The following C14orf132 variants were observed in gnomAD, a reference collection of about 807,000 sequenced individuals.
The protein encoded by C14orf132 is uncharacterized protein C14orf132.
Under a neutral mutation model 5.8 loss-of-function variants are expected in C14orf132, and 6 were observed. That is an observed-to-expected ratio of 1.03 (90% confidence interval 0.57 to 2.04). C14orf132 has a LOEUF of 2.04. Among genes scored for constraint, C14orf132 ranks in the 30% most tolerant of loss-of-function variants. The pLI, the probability that C14orf132 is intolerant of heterozygous loss-of-function variation, is 0.00. For missense variants in C14orf132, 125 were observed against 115.8 expected (o/e 1.08, Z -0.37); for synonymous variants, 51 against 49.8 (o/e 1.02, Z -0.10).
In C14orf132 at chr14:96,082,769, C is replaced by T. The variant is rs74086072; in HGVS notation, c.28-3742C>T. Among the ~76,000 whole-genome samples, 646 of 152,278 alleles carry T rather than the reference C, an allele frequency of 4.2e-3. 1 individual carries two copies. The highest frequency in any genetic ancestry group is 0.015 in the African/African-American group (617 of 41,556). On this transcript the variant is annotated intron_variant, in intron 1 of 1. Coordinates refer to ENST00000555004, the MANE Select transcript of C14orf132 (RefSeq NM_001252507.3). ...TGCATGTGATACTGTCCTACAAGGA[C>T]GACAGAGGGAAGGAATATTGGTAAT...
chr14:96,084,230 G>T (rs555246547), intron 1 of C14orf132, among the ~76,000 whole-genome samples: 6 of 152,346 alleles, frequency 3.9e-5, no homozygotes, highest in African/African-American at 1.4e-4. Context: ...AAGAAGCAAT[G>T]AGTGGGAAGG....
intron 1 of C14orf132, among the ~76,000 whole-genome samples, chr14:96,062,172 G>A (rs1261901361): frequency 6.6e-6 from 1 of 152,024 alleles, no homozygotes; most frequent in Admixed American, 6.6e-5. Context: ...CCAGCAAGTC[G>A]CTCCATGGAT....
chr14:96,056,261 C>T (rs548391166), intron 1 of C14orf132, among the ~76,000 whole-genome samples: 8 of 152,304 alleles, frequency 5.3e-5, no homozygotes, highest in African/African-American at 1.7e-4. Flanking sequence ...TCAGCATTCA[C>T]GTGACATGGC....
chr14:96,063,207 T>A (rs760910142), intron 1 of C14orf132, among the ~76,000 whole-genome samples: 4 of 152,074 alleles, frequency 2.6e-5, no homozygotes, highest in African/African-American at 4.8e-5. Flanking sequence ...CAAGCTGCCA[T>A]CCCCTCAGGA....
At chr14:96,071,128 C>A (rs907605633) in intron 1 of C14orf132, among the ~76,000 whole-genome samples, 1 of 152,070 alleles carries the variant, frequency 6.6e-6, no homozygotes, top group Middle Eastern at 3.2e-3. Flanking sequence ...CTGGGGAGGC[C>A]TCAGGAAACT....
At chr14:96,074,069 G>A (rs1003403733) in intron 1 of C14orf132, among the ~76,000 whole-genome samples, 2 of 152,212 alleles carry the variant, frequency 1.3e-5, no homozygotes, top group Non-Finnish European at 1.5e-5. Context: ...AATAGCTAAT[G>A]GAGGCCGGGC....
At chr14:96,042,907 G>A (rs1167851148) in intron 1 of C14orf132, among the ~76,000 whole-genome samples, 1 of 152,228 alleles carries the variant, frequency 6.6e-6, no homozygotes, top group African/African-American at 2.4e-5. Flanking sequence ...TTTCTCTTAG[G>A]CCAGGAGTGG....
At chr14:96,064,154 T>C (rs1218458672) in intron 1 of C14orf132, among the ~76,000 whole-genome samples, 1 of 152,070 alleles carries the variant, frequency 6.6e-6, no homozygotes, top group African/African-American at 2.4e-5. Context: ...GAAAACAGTG[T>C]GGAGATTCCT....
intron 1 of C14orf132, among the ~76,000 whole-genome samples, chr14:96,069,132 T>A (rs1215360127): frequency 6.7e-6 from 1 of 149,494 alleles, no homozygotes; most frequent in Non-Finnish European, 1.5e-5. Flanking sequence ...TCAGCCTCCA[T>A]AATTGTGTAA....
intron 1 of C14orf132, among the ~76,000 whole-genome samples, chr14:96,043,666 T>C (rs552206297): frequency 6.6e-6 from 1 of 152,206 alleles, no homozygotes; most frequent in South Asian, 2.1e-4. Flanking sequence ...CAGTGGTCAA[T>C]GAAGGGTGAG....
Position 96,043,358 on chromosome 14 carries a change from C to A in C14orf132, c.27+3831C>A, listed in dbSNP as rs558865527. 2.6e-5 allele frequency among the ~76,000 whole-genome samples: 4 copies of A among 152,300 alleles called. No homozygotes were observed. In the South Asian group the frequency reaches 8.3e-4, roughly 32 times the overall value. ...ACGTTCTGCATGCTAAGCCAGCACT[C>A]ATTATGGGGGAATGGGATGGACAAC... On this transcript the variant is annotated intron_variant, in intron 1 of 1. Transcript: ENST00000555004.
At chr14:96,046,524 C>T (rs1308529920) in intron 1 of C14orf132, among the ~76,000 whole-genome samples, 1 of 152,186 alleles carries the variant, frequency 6.6e-6, no homozygotes, top group Admixed American at 6.5e-5. Flanking sequence ...ATCAAATGAC[C>T]ATTTTATTTG....
chr14:96,043,959 C>A (rs1043770863), intron 1 of C14orf132, among the ~76,000 whole-genome samples: 1 of 152,200 alleles, frequency 6.6e-6, no homozygotes, highest in Non-Finnish European at 1.5e-5. Context: ...TTATTCCCAT[C>A]ATCAAGAAAG....
rs985299018 is a variant in C14orf132, at chr14:96,092,443, C to T, written c.*5708C>T. ...ATATTTGCAGGGAATTTGCAGGCCT[C>T]GATTATTGGGGGAATCAGAGCCCAT... On this transcript the variant is annotated 3_prime_UTR_variant, in exon 2 of 2. Transcript: ENST00000555004. 10 of 152,142 alleles carry T rather than the reference C, an allele frequency of 6.6e-5. No homozygotes were observed. The highest frequency in any genetic ancestry group is 6.5e-5 in the Admixed American group (1 of 15,272). The allele number at this position is 152,142 out of a possible 1,614,324, so 9.4% of individuals were successfully genotyped here. A position where few individuals can be genotyped will look rare whatever the true frequency, so the allele number is the denominator to read the frequency against.
intron 1 of C14orf132, among the ~76,000 whole-genome samples, chr14:96,059,359 C>T (rs1887277335): frequency 6.6e-6 from 1 of 152,192 alleles, no homozygotes; most frequent in African/African-American, 2.4e-5. Context: ...GTGCAAACAG[C>T]TTTGCAAATA....
Position 96,064,363 on chromosome 14 carries a change from T to TATACAC in C14orf132, c.28-22147_28-22146insTACACA, listed in dbSNP as rs1555385083. 4.9e-3 allele frequency among the ~76,000 whole-genome samples: 662 copies of TATACAC among 135,868 alleles called. 8 individuals are homozygous for TATACAC. The highest frequency in any genetic ancestry group is 0.017 in the African/African-American group (598 of 35,264). The allele number at this position is 135,868 out of a possible 152,430, so 89.1% of individuals were successfully genotyped here. On this transcript the variant is annotated intron_variant, in intron 1 of 1. Transcript: ENST00000555004. Reference sequence around the variant, plus strand: ...GGATAAAGAAACTAGGGTGCATATATACACACACACACACACACACACACA... The same window carrying TATACAC: ...GGATAAAGAAACTAGGGTGCATATATATACACACACACACACACACACACACACACA...
At chr14:96,060,541 C>T (rs558899257) in intron 1 of C14orf132, among the ~76,000 whole-genome samples, 2 of 152,212 alleles carry the variant, frequency 1.3e-5, no homozygotes, top group Non-Finnish European at 2.9e-5. Context: ...TCTGCACCCT[C>T]ATTCTCGTGC....
At chr14:96,052,613 G>T (rs12436415) in intron 1 of C14orf132, among the ~76,000 whole-genome samples, 12,340 of 152,228 alleles carry the variant, frequency 0.081, 627 homozygotes, top group East Asian at 0.17. Flanking sequence ...GAAAATTATG[G>T]CTTGCATCAG....
intron 1 of C14orf132, chr14:96,051,125 T>A: frequency 2.5e-6 from 1 of 398,530 alleles, no homozygotes; most frequent in Non-Finnish European, 4.4e-6. Flanking sequence ...ACTCTACAGG[T>A]CAAGTGAGCC....
Sources: gnomAD v4.1 joint callset for allele counts (sites outside exome capture counted in the v4.1 genomes callset) on GRCh38, gnomAD v4.1.1 for gene constraint, MANE v1.5 for transcripts, NCBI Gene and HGNC (gene_info 2026-07-23, HGNC 2026-07-21) for gene names.